PHACTR3: variants seen among roughly 807,000 people sequenced by gnomAD.
PHACTR3 encodes the protein protein phosphatase 1, regulatory subunit 123.
PHACTR3 carries 16 observed loss-of-function variants against 66.8 expected under a neutral mutation model. That is an observed-to-expected ratio of 0.24 (90% CI 0.16 to 0.36). The LOEUF (loss-of-function observed/expected upper bound fraction) is 0.36, where lower values mean the gene tolerates loss of function less well. Among genes scored for constraint, PHACTR3 ranks in the 10% least tolerant of loss-of-function variants. PHACTR3 has a pLI of 1.00. For synonymous variants in PHACTR3, 323 were observed against 292.1 expected (o/e 1.11, Z -1.08); for missense variants, 647 against 719.9 (o/e 0.90, Z 1.16).
chr20:59,656,607 T>G (rs921464818), intron 1 of PHACTR3, among the ~76,000 whole-genome samples: 3 of 151,972 alleles, frequency 2.0e-5, no homozygotes, highest in African/African-American at 7.2e-5. Flanking sequence ...TCTTTACTTT[T>G]GTTGGATTGT....
intron 1 of PHACTR3, among the ~76,000 whole-genome samples, chr20:59,636,522 G>A (rs530579029): frequency 3.3e-5 from 5 of 152,320 alleles, no homozygotes; most frequent in Admixed American, 2.6e-4. Flanking sequence ...GGAGGCATGG[G>A]GAGGGGAAGG....
intron 8 of PHACTR3, among the ~76,000 whole-genome samples, chr20:59,834,176 C>T (rs7264467): frequency 0.082 from 12,533 of 152,164 alleles, 1,584 homozygotes; most frequent in African/African-American, 0.27. Flanking sequence ...ACTCATGGTG[C>T]GCTCACTCTT....
rs142879828 is a variant in PHACTR3 at position 59,729,203 on chromosome 20, C to A, written c.119-13904C>A. 7.9e-5 allele frequency among the ~76,000 whole-genome samples: 12 copies of A among 152,094 alleles called. No homozygotes were observed. In the East Asian group the frequency reaches 2.1e-3, roughly 27 times the overall value. ...CATGTGACCCGAAGGGAGGGCATTG[C>A]GGGAACCTGGGAGCGATGAGGGAGA... is the stretch of plus-strand genomic sequence containing the variant. On this transcript the variant is annotated intron_variant, in intron 1 of 12. Coordinates refer to ENST00000371015, the MANE Select transcript of PHACTR3 (RefSeq NM_080672.5).
intron 1 of PHACTR3, among the ~76,000 whole-genome samples, chr20:59,584,544 T>C (rs538694799): frequency 1.3e-5 from 2 of 152,172 alleles, no homozygotes; most frequent in Non-Finnish European, 2.9e-5. Context: ...AGTGTGTGCA[T>C]GAGTGTGTAC....
At chr20:59,831,453 T>C (rs980318358) in intron 8 of PHACTR3, among the ~76,000 whole-genome samples, 2 of 152,110 alleles carry the variant, frequency 1.3e-5, no homozygotes, top group Non-Finnish European at 2.9e-5. Flanking sequence ...TTTAATTAAC[T>C]GCCACACTCA....
chr20:59,751,457 C>T (rs2039577759), intron 3 of PHACTR3, among the ~76,000 whole-genome samples: 1 of 152,188 alleles, frequency 6.6e-6, no homozygotes, highest in South Asian at 2.1e-4. Context: ...CTCTGCCCTG[C>T]ACACGCGCAT....
At chr20:59,713,993 T>G (rs2037999901) in intron 1 of PHACTR3, among the ~76,000 whole-genome samples, 1 of 152,218 alleles carries the variant, frequency 6.6e-6, no homozygotes, top group Non-Finnish European at 1.5e-5. Flanking sequence ...AATTGGTATT[T>G]CCTTGAAAAC....
intron 7 of PHACTR3, among the ~76,000 whole-genome samples, chr20:59,788,799 C>T (rs1248718990): frequency 6.6e-6 from 1 of 152,212 alleles, no homozygotes. Context: ...TCCTCATACT[C>T]AGCTAATGTC....
At chr20:59,645,507 T>G (rs2146435928) in intron 1 of PHACTR3, among the ~76,000 whole-genome samples, 1 of 152,220 alleles carries the variant, frequency 6.6e-6, no homozygotes, top group Admixed American at 6.5e-5. Flanking sequence ...CTCCCTGGCC[T>G]CGGAGGCTAA....
intron 1 of PHACTR3, among the ~76,000 whole-genome samples, chr20:59,642,928 T>C (rs1389642967): frequency 6.6e-6 from 1 of 152,164 alleles, no homozygotes; most frequent in East Asian, 1.9e-4. Context: ...TTGTTTGTTT[T>C]TGAGACAGAG....
At chr20:59,637,823 G>T (rs1444868186) in intron 1 of PHACTR3, among the ~76,000 whole-genome samples, 1 of 152,162 alleles carries the variant, frequency 6.6e-6, no homozygotes, top group African/African-American at 2.4e-5. Context: ...AGAAGACAGG[G>T]TCAGTGGTGG....
At position 59,847,075 on chromosome 20, in the gene PHACTR3, T is replaced by C. The variant is rs376185715; in HGVS notation, c.1665-40T>C. The C allele has an allele frequency of 7.7e-5, 109 of 1,417,706 alleles. No individual in the cohort carries two copies. The African/African-American group carries it at 1.3e-3, about 16-fold the overall frequency. The allele number at this position is 1,417,706 out of a possible 1,614,324, so 87.8% of individuals were successfully genotyped here. On this transcript the variant is annotated intron_variant, in intron 12 of 12. Transcript: ENST00000371015. ...TTTTGGCTATTTTAACTGCTAGAAATGAATAACCTTAAATTCTTTGTCTTT... is the reference window on the plus strand; with the variant it reads ...TTTTGGCTATTTTAACTGCTAGAAACGAATAACCTTAAATTCTTTGTCTTT...
intron 7 of PHACTR3, among the ~76,000 whole-genome samples, chr20:59,793,100 G>A (rs1210198331): frequency 6.6e-6 from 1 of 151,932 alleles, no homozygotes; most frequent in Non-Finnish European, 1.5e-5. Flanking sequence ...TGTTTTCCAG[G>A]GTGCTCTTGA....
intron 7 of PHACTR3, among the ~76,000 whole-genome samples, chr20:59,794,270 C>G (rs1412227735): frequency 6.6e-6 from 1 of 152,046 alleles, no homozygotes; most frequent in Non-Finnish European, 1.5e-5. Flanking sequence ...TTCTTCTAAA[C>G]TGACTTCATT....
At chr20:59,668,282 A>G (rs546288173) in intron 1 of PHACTR3, among the ~76,000 whole-genome samples, 44 of 149,868 alleles carry the variant, frequency 2.9e-4, no homozygotes, top group African/African-American at 1.0e-3. Flanking sequence ...GGGCACGTAC[A>G]CCTGTACGGG....
At chr20:59,665,457 C>T (rs577561716) in intron 1 of PHACTR3, among the ~76,000 whole-genome samples, 9 of 152,244 alleles carry the variant, frequency 5.9e-5, no homozygotes, top group South Asian at 4.2e-4. Context: ...TTAAAGAACC[C>T]GAAGGTCCTT....
rs2033592839 is a variant in PHACTR3 at position 59,604,649 on chromosome 20, C to T, written c.-366C>T. ...CCCCCAGACATTCCAGGACATCACC[C>T]CCTGCCCCAAGCACGCAATAAACAC... On this transcript the variant is annotated 5_prime_UTR_variant, in exon 1 of 13. Transcript: ENST00000371015. The T allele has an allele frequency of 3.0e-6, 3 of 990,760 alleles. No individual in the cohort carries two copies. The highest frequency in any genetic ancestry group is 1.2e-4 in the Admixed American group (2 of 16,460). The allele number at this position is 990,760 out of a possible 1,614,324, so 61.4% of individuals were successfully genotyped here. A position where few individuals can be genotyped will look rare whatever the true frequency, so the allele number is the denominator to read the frequency against.
At chr20:59,677,840 C>T (rs1478928708) in intron 1 of PHACTR3, among the ~76,000 whole-genome samples, 1 of 152,076 alleles carries the variant, frequency 6.6e-6, no homozygotes, top group Non-Finnish European at 1.5e-5. Context: ...CAGAAAAATC[C>T]ATGGTGAGGT....
chr20:59,666,835 C>A (rs908087969), intron 1 of PHACTR3, among the ~76,000 whole-genome samples: 1 of 152,216 alleles, frequency 6.6e-6, no homozygotes, highest in African/African-American at 2.4e-5. Context: ...CCAGAGAAGT[C>A]CCATCACGCC....
Sources: gnomAD v4.1 joint callset for allele counts (sites outside exome capture counted in the v4.1 genomes callset) on GRCh38, gnomAD v4.1.1 for gene constraint, MANE v1.5 for transcripts, NCBI Gene and HGNC (gene_info 2026-07-23, HGNC 2026-07-21) for gene names.